The following PHC2 variants were observed in gnomAD, a reference collection of about 807,000 sequenced individuals.
PHC2 encodes polyhomeotic-like protein 2.
A neutral mutation model predicts 87.4 loss-of-function variants in PHC2; 29 were observed. That is an observed-to-expected ratio of 0.33 (90% CI 0.25 to 0.45). PHC2 has a LOEUF of 0.45. Ranked by LOEUF, PHC2 falls within the 20% of genes least tolerant of loss-of-function variation. The probability of loss-of-function intolerance (pLI) is 1.00; values close to 1 mark genes in which losing one functional copy is unlikely to be tolerated. For missense variants in PHC2, 857 were observed against 1,136.7 expected, an observed-to-expected ratio of 0.75 and a Z score of 3.54; for synonymous variants, 438 against 461.7, an observed-to-expected ratio of 0.95 and a Z score of 0.66.
chr1:33,386,291 G>A (rs996912282), intron 1 of PHC2, among the ~76,000 whole-genome samples: 2 of 151,460 alleles, frequency 1.3e-5, no homozygotes, highest in Middle Eastern at 3.4e-3. Context: ...GCCAAGGCTG[G>A]TGGATCACAA....
At chr1:33,367,053 T>G in intron 7 of PHC2, 63 bp downstream of exon 7, 1 of 1,384,958 alleles carries the variant, frequency 7.2e-7, no homozygotes. Flanking sequence ...AGTGTGAAAG[T>G]CTCCTCCTGA....
At chr1:33,336,483 G>A (rs2148217545) in intron 9 of PHC2, 1 of 152,264 alleles carries the variant, frequency 6.6e-6, no homozygotes, top group African/African-American at 2.4e-5. Flanking sequence ...TTGAGACACA[G>A]TTATACCAGT....
intron 9 of PHC2, among the ~76,000 whole-genome samples, chr1:33,351,946 C>T (rs1646980607): frequency 1.1e-5 from 1 of 93,524 alleles, no homozygotes; most frequent in Non-Finnish European, 2.1e-5. Flanking sequence ...AGTAAGAATG[C>T]ATCTCAAAAA....
intron 1 of PHC2, among the ~76,000 whole-genome samples, chr1:33,401,168 T>C (rs1214874861): frequency 6.6e-6 from 1 of 151,800 alleles, no homozygotes; most frequent in East Asian, 1.9e-4. Flanking sequence ...CCACTAAAAA[T>C]ACAAAAAATT....
chr1:33,417,981 T>C (rs912672821), intron 1 of PHC2, among the ~76,000 whole-genome samples: 1 of 152,092 alleles, frequency 6.6e-6, no homozygotes, highest in Non-Finnish European at 1.5e-5. Context: ...AAATAACTCA[T>C]GGGTCAAAGA....
chr1:33,403,422 G>A (rs1371444287), intron 1 of PHC2, among the ~76,000 whole-genome samples: 1 of 152,162 alleles, frequency 6.6e-6, no homozygotes, highest in Non-Finnish European at 1.5e-5. Flanking sequence ...ACTGCACCTG[G>A]CGGGAAAACT....
At position 33,370,406 on chromosome 1, in the gene PHC2, G is replaced by A. The variant is rs1313722446; in HGVS notation, c.576+15C>T. 3 of 1,608,558 alleles carry A rather than the reference G, an allele frequency of 1.9e-6. No individual in the cohort carries two copies. The highest frequency in any genetic ancestry group is 1.7e-5 in the Admixed American group (1 of 59,842). ...CTGGTGCCTCTGAGCCATGGCCCTG[G>A]CCATGGGTACTCACCATCTGTGCCC... On this transcript the variant is annotated intron_variant, in intron 5 of 14. Coordinates refer to ENST00000683057, the MANE Select transcript of PHC2 (RefSeq NM_001385109.1).
In PHC2 at chr1:33,330,099, G is replaced by T. The variant is rs369850251; in HGVS notation, c.2120C>A (p.Pro707Gln). 1.9e-6 allele frequency: 3 copies of T among 1,613,980 alleles called. No homozygotes were observed. The highest frequency in any genetic ancestry group is 2.5e-6 in the Non-Finnish European group (3 of 1,180,012). The change falls in exon 13 of 15, where the codon CCA becomes CAA. Residue 707 changes from proline to glutamine, a missense_variant. Coordinates refer to ENST00000683057, the MANE Select transcript of PHC2 (RefSeq NM_001385109.1). ...NRRRASKASLPPLTKDTKKQP... is the reference protein window; with the variant it reads ...NRRRASKASLQPLTKDTKKQP... ...CTTCTTGGTATCCTTGGTAAGTGGT[G>T]GCAGACTGGCTTTGCTGGCCCGACG...
At position 33,405,848 on chromosome 1, in the gene PHC2, G is replaced by C. The variant is rs915594380; in HGVS notation, c.-55+25128C>G. Among the ~76,000 whole-genome samples the C allele has an allele frequency of 3.9e-5, 6 of 152,194 alleles. No individual in the cohort carries two copies. In the East Asian group the frequency reaches 5.8e-4, roughly 15 times the overall value. ...ATGCTAACAATACACTGTGGTCAGA[G>C]AGCATAATTATGTGTGGTTTTAATT... On this transcript the variant is annotated intron_variant, in intron 1 of 14. Transcript: ENST00000683057.
chr1:33,423,115 T>C (rs1163268573), intron 1 of PHC2, among the ~76,000 whole-genome samples: 1 of 152,146 alleles, frequency 6.6e-6, no homozygotes, highest in Non-Finnish European at 1.5e-5. Context: ...CCCAGCATTA[T>C]GGCTCTAGTG....
intron 1 of PHC2, among the ~76,000 whole-genome samples, chr1:33,389,073 AAAG>A (rs1238016556): frequency 3.3e-5 from 2 of 59,710 alleles, no homozygotes; most frequent in South Asian, 8.9e-4. Flanking sequence ...AAAAAAAAAA[AAAG>A]AAAGAAAGAA....
intron 1 of PHC2, among the ~76,000 whole-genome samples, chr1:33,403,572 A>G (rs1351449361): frequency 6.6e-6 from 1 of 152,230 alleles, no homozygotes; most frequent in Non-Finnish European, 1.5e-5. Flanking sequence ...TTTTTCAAAT[A>G]CTACATATAC....
intron 2 of PHC2, among the ~76,000 whole-genome samples, chr1:33,374,497 T>C (rs887900819): frequency 6.6e-6 from 1 of 152,182 alleles, no homozygotes; most frequent in Admixed American, 6.5e-5. Flanking sequence ...TCTGATGGCA[T>C]CTTCTTTAAC....
At position 33,368,916 on chromosome 1, in the gene PHC2, C is replaced by T. The variant is rs1046905445; in HGVS notation, c.577-294G>A. On this transcript the variant is annotated intron_variant, in intron 5 of 14. Coordinates refer to ENST00000683057, the MANE Select transcript of PHC2 (RefSeq NM_001385109.1). This position sits in a 1 kb window ranked among gnomAD's most constrained non-coding sequence, Gnocchi z 6.6. ...AGCCGCTCTGGGGCTACACCAAAGCCGAGTTCCCTTCAGAACCCTCTGTGA... is the reference window on the plus strand; with the variant it reads ...AGCCGCTCTGGGGCTACACCAAAGCTGAGTTCCCTTCAGAACCCTCTGTGA... Among the ~76,000 whole-genome samples the T allele has an allele frequency of 2.6e-5, 4 of 152,234 alleles. No homozygotes were observed. In the South Asian group the frequency reaches 6.2e-4, roughly 24 times the overall value.
intron 1 of PHC2, among the ~76,000 whole-genome samples, chr1:33,393,398 C>T (rs1317562961): frequency 6.6e-6 from 1 of 151,954 alleles, no homozygotes; most frequent in East Asian, 1.9e-4. Flanking sequence ...ACTGGAAAAT[C>T]CTCATTTAAA....
chr1:33,353,779 G>C (rs1570475447), intron 9 of PHC2, among the ~76,000 whole-genome samples: 5 of 152,312 alleles, frequency 3.3e-5, no homozygotes, highest in Middle Eastern at 3.4e-3. Context: ...GAAGCAAATA[G>C]ATCTTTGCAG....
rs1330181813 is a variant in PHC2 at position 33,369,879 on chromosome 1, A to G, written c.576+542T>C. On this transcript the variant is annotated intron_variant, in intron 5 of 14. Transcript: ENST00000683057. This position sits in a 1 kb window ranked among gnomAD's most constrained non-coding sequence, Gnocchi z 4.7. ...CTTTGCACCCCTCAGGGATAGGTGC[A>G]AAGGAAAGAGTTGGTGCTATCCTGA... 6.6e-6 allele frequency among the ~76,000 whole-genome samples: 1 copy of G among 152,136 alleles called. No homozygotes were observed. Among genetic ancestry groups the G allele is most frequent in the Non-Finnish European group, 1.5e-5 (1 of 68,024 alleles).
chr1:33,343,713 CTT>C (rs966181658), intron 9 of PHC2, among the ~76,000 whole-genome samples: 4 of 152,230 alleles, frequency 2.6e-5, no homozygotes, highest in African/African-American at 4.8e-5. Flanking sequence ...TAATCTCACT[CTT>C]TCACTGAGTC....
chr1:33,332,175 G>A lies in PHC2; in HGVS notation c.1891+100C>T. The A allele has an allele frequency of 7.3e-7, 1 of 1,364,730 alleles. No homozygotes were observed. 84.5% of individuals were successfully genotyped at this position (1,364,730 alleles called of 1,614,324 possible). The stretch of plus-strand genomic sequence containing the variant: ...TGGGGGAAATGTTTACAGACTCGCT[G>A]GCTCAGGGTTCCTCTGGGGAAACAG... On this transcript the variant is annotated intron_variant, in intron 11 of 14. Coordinates refer to ENST00000683057, the MANE Select transcript of PHC2 (RefSeq NM_001385109.1). The surrounding 1 kb of genome is among the most constrained non-coding windows in gnomAD (Gnocchi z 4.2).
Sources: allele counts gnomAD v4.1 joint callset (sites outside exome capture counted in the v4.1 genomes callset), GRCh38; gene constraint gnomAD v4.1.1; non-coding constraint Gnocchi (gnomAD v3.1); transcripts MANE v1.5; gene names NCBI Gene and HGNC (gene_info 2026-07-23, HGNC 2026-07-21).